Variants in PTPRT observed in about 807,000 individuals in gnomAD.
The protein encoded by PTPRT is receptor-type tyrosine-protein phosphatase T.
A neutral mutation model predicts 176.8 loss-of-function variants in PTPRT; 56 were observed. The ratio of observed to expected loss-of-function variants is 0.32; its 90% CI spans 0.26 to 0.40. PTPRT has a LOEUF of 0.40. Among genes scored for constraint, PTPRT ranks in the 10% least tolerant of loss-of-function variants. The pLI is 1.00. For synonymous variants in PTPRT, 783 were observed against 739.0 expected (o/e 1.06, Z -0.96); for missense variants, 1,540 against 1,908.2 (o/e 0.81, Z 3.60).
chr20:43,137,598 C>CAGG (rs1306069500), intron 1 of PTPRT, among the ~76,000 whole-genome samples: 1 of 152,218 alleles, frequency 6.6e-6, no homozygotes, highest in African/African-American at 2.4e-5. Context: ...GTTCTCCTCA[C>CAGG]AGGAGGCCGG....
chr20:42,346,452 T>C (rs2058196518), intron 11 of PTPRT, among the ~76,000 whole-genome samples: 1 of 152,194 alleles, frequency 6.6e-6, no homozygotes, highest in Admixed American at 6.5e-5. Flanking sequence ...ACTATTTGAT[T>C]GATCTTTTAA....
chr20:42,723,083 G>C (rs190950927), intron 6 of PTPRT, among the ~76,000 whole-genome samples: 191 of 152,246 alleles, frequency 1.3e-3, no homozygotes, highest in African/African-American at 4.4e-3. Context: ...TGTCTTCCTA[G>C]GGGTAAGAGT....
At chr20:42,948,473 T>C (rs1036788565) in intron 1 of PTPRT, among the ~76,000 whole-genome samples, 1 of 152,180 alleles carries the variant, frequency 6.6e-6, no homozygotes, top group South Asian at 2.1e-4. Flanking sequence ...TGTGGCCCAA[T>C]ACAAGCCAAT....
At chr20:42,424,902 T>G (rs184750173) in intron 9 of PTPRT, among the ~76,000 whole-genome samples, 1 of 150,850 alleles carries the variant, frequency 6.6e-6, no homozygotes, top group East Asian at 1.9e-4. Context: ...CTCTGACGTA[T>G]GCGTGGAAAA....
At chr20:42,898,836 C>A (rs572067839) in intron 1 of PTPRT, among the ~76,000 whole-genome samples, 1 of 152,100 alleles carries the variant, frequency 6.6e-6, no homozygotes, top group Non-Finnish European at 1.5e-5. Context: ...GTTGGGTCAG[C>A]GCCAGCCTCA....
At chr20:42,344,912 C>T (rs558413957) in intron 11 of PTPRT, among the ~76,000 whole-genome samples, 15 of 152,196 alleles carry the variant, frequency 9.9e-5, no homozygotes, top group South Asian at 2.1e-4. Context: ...GCTGCTCTTT[C>T]TTCTAGGTTA....
At chr20:42,069,368 C>A (rs1982222438), downstream of PTPRT, among the ~76,000 whole-genome samples, 1 of 152,180 alleles carries the variant, frequency 6.6e-6, no homozygotes, top group Admixed American at 6.5e-5. Flanking sequence ...TTATTCTGAG[C>A]AAGAGATTTT....
At chr20:42,381,866 CA>C (rs1852894746) in intron 9 of PTPRT, among the ~76,000 whole-genome samples, 1 of 152,160 alleles carries the variant, frequency 6.6e-6, no homozygotes, top group African/African-American at 2.4e-5. Context: ...ACACAAACTC[CA>C]TGCCTTTTTT....
chr20:42,422,335 A>G (rs189609656), intron 9 of PTPRT, among the ~76,000 whole-genome samples: 16 of 152,360 alleles, frequency 1.1e-4, no homozygotes, highest in African/African-American at 3.8e-4. Flanking sequence ...CAGCATCTAT[A>G]AGAAACTGAA....
intron 9 of PTPRT, among the ~76,000 whole-genome samples, chr20:42,361,681 G>C (rs1294792812): frequency 6.6e-6 from 1 of 152,166 alleles, no homozygotes; most frequent in Non-Finnish European, 1.5e-5. Flanking sequence ...CTGGGCAACA[G>C]ACAGCTAAGT....
At chr20:42,478,276 A>G (rs2071325651) in intron 7 of PTPRT, among the ~76,000 whole-genome samples, 1 of 152,142 alleles carries the variant, frequency 6.6e-6, no homozygotes, top group South Asian at 2.1e-4. Flanking sequence ...GATTATGCAC[A>G]TGTTAGGGAC....
chr20:43,020,275 G>T (rs1038357564), intron 1 of PTPRT, among the ~76,000 whole-genome samples: 1 of 148,514 alleles, frequency 6.7e-6, no homozygotes, highest in East Asian at 2.0e-4. Context: ...TTTTTGGATA[G>T]CCCAGACTAA....
chr20:42,749,723 T>A (rs2076743311), intron 6 of PTPRT, among the ~76,000 whole-genome samples: 1 of 152,214 alleles, frequency 6.6e-6, no homozygotes, highest in South Asian at 2.1e-4. Flanking sequence ...TGCTAGACCA[T>A]GAGCTTATTA....
rs893462328 is a variant in PTPRT, at chr20:42,075,939, A to G, written c.*4940T>C. On this transcript the variant is annotated 3_prime_UTR_variant, in exon 31 of 31. Coordinates refer to ENST00000373187, the MANE Select transcript of PTPRT (RefSeq NM_007050.6). ...CTCCAGCTATGTCACAGAAGTGACCATTTTGCTAAATAAGTCATCTGCATC... is the reference window on the plus strand; with the variant it reads ...CTCCAGCTATGTCACAGAAGTGACCGTTTTGCTAAATAAGTCATCTGCATC... 9.7e-5 allele frequency: 21 copies of G among 217,472 alleles called. No individual in the cohort carries two copies. The highest frequency in any genetic ancestry group is 3.7e-4 in the South Asian group (2 of 5,372). The allele number at this position is 217,472 out of a possible 1,614,324, so 13.5% of individuals were successfully genotyped here.
At chr20:42,654,748 G>T (rs1193150779) in intron 7 of PTPRT, among the ~76,000 whole-genome samples, 1 of 152,112 alleles carries the variant, frequency 6.6e-6, no homozygotes, top group Non-Finnish European at 1.5e-5. Flanking sequence ...TAAGGAATTA[G>T]CCCAGAGAAG....
intron 11 of PTPRT, among the ~76,000 whole-genome samples, chr20:42,334,783 T>C (rs1426867376): frequency 6.6e-6 from 1 of 152,262 alleles, no homozygotes; most frequent in African/African-American, 2.4e-5. Context: ...ATTTAAATGA[T>C]AGCATTTATA....
intron 27 of PTPRT, among the ~76,000 whole-genome samples, chr20:42,090,686 G>C (rs939793057): frequency 1.3e-5 from 2 of 152,160 alleles, no homozygotes; most frequent in African/African-American, 2.4e-5. Context: ...GTAAGCATCT[G>C]CGATTTATAC....
intron 1 of PTPRT, among the ~76,000 whole-genome samples, chr20:43,087,527 C>G (rs1041852784): frequency 6.6e-6 from 1 of 151,998 alleles, no homozygotes; most frequent in Non-Finnish European, 1.5e-5. Flanking sequence ...CCATGCCCAG[C>G]TAATGTTTGC....
the PTPRT span, among the ~76,000 whole-genome samples, chr20:42,040,541 A>G: frequency 1.3e-5 from 2 of 152,150 alleles, no homozygotes; most frequent in African/African-American, 4.8e-5. Flanking sequence ...TTCCCTCACC[A>G]TCCAGATAGG....
Sources: gnomAD v4.1 joint callset for allele counts (sites outside exome capture counted in the v4.1 genomes callset) on GRCh38, gnomAD v4.1.1 for gene constraint, MANE v1.5 for transcripts, NCBI Gene and HGNC (gene_info 2026-07-23, HGNC 2026-07-21) for gene names.